Variants in AK9 observed in about 807,000 individuals in gnomAD.
AK9 encodes the protein adenylate kinase 9.
Under a neutral mutation model 239.6 loss-of-function variants are expected in AK9, and 191 were observed. That is an observed-to-expected ratio of 0.80 (90% CI 0.71 to 0.90). The LOEUF (loss-of-function observed/expected upper bound fraction) is 0.90. Among genes scored for constraint, AK9 ranks in the 40% least tolerant of loss-of-function variants. AK9 has a pLI of 0.00. For missense variants in AK9, 1,995 were observed against 2,214.7 expected (o/e 0.90, Z 1.99); for synonymous variants, 689 against 721.0 (o/e 0.96, Z 0.71).
At chr6:109,660,008 T>C (rs1583471409) in intron 6 of AK9, among the ~76,000 whole-genome samples, 1 of 152,200 alleles carries the variant, frequency 6.6e-6, no homozygotes, top group South Asian at 2.1e-4. Flanking sequence ...TGTTCCAAAG[T>C]GCTTTCACTC....
rs1186337261 is a variant in AK9, at chr6:109,623,279, A to T, written c.1255-4043T>A. Among the ~76,000 whole-genome samples, 4 of 152,160 alleles carry T rather than the reference A, an allele frequency of 2.6e-5. No individual in the cohort carries two copies. In the East Asian group the frequency reaches 7.7e-4, roughly 29 times the overall value. ...AAGGTGGAGCCTAATTCTCCTCTTT[A>T]GTGTAACTAGAACTTAGTAGTGACT... On this transcript the variant is annotated intron_variant, in intron 12 of 40. Coordinates refer to ENST00000424296, the MANE Select transcript of AK9 (RefSeq NM_001145128.3).
intron 2 of AK9, 29 bp from the exon 3 acceptor site, chr6:109,674,290 C>T: frequency 6.8e-7 from 1 of 1,469,612 alleles, no homozygotes; most frequent in Non-Finnish European, 9.1e-7. Context: ...ATTTAAAGCC[C>T]AATAGAACAG....
chr6:109,562,502 A>G (rs950055929), intron 24 of AK9, among the ~76,000 whole-genome samples: 2 of 152,190 alleles, frequency 1.3e-5, no homozygotes, highest in Non-Finnish European at 2.9e-5. Context: ...ATTGTGAGTC[A>G]TATTTTTCTG....
rs1158192959 is a variant in AK9, at chr6:109,546,704, T to C, written c.2965-577A>G. ...GGCTTCTTGATATATCCGAGTAGGA[T>C]AAGCCTCAAAGGGGCTGGAGTTTTT... On this transcript the variant is annotated intron_variant, in intron 25 of 40. Transcript: ENST00000424296. Among the ~76,000 whole-genome samples, 5 of 152,180 alleles carry C rather than the reference T, an allele frequency of 3.3e-5. No homozygotes were observed. The South Asian group carries it at 8.3e-4, about 25-fold the overall frequency.
chr6:109,634,032 G>A (rs928954900), intron 10 of AK9, among the ~76,000 whole-genome samples: 4 of 152,122 alleles, frequency 2.6e-5, no homozygotes. Flanking sequence ...TGAGAAAACT[G>A]GTGAGAGATG....
intron 3 of AK9, 43 bp from the exon 4 acceptor site, chr6:109,672,210 A>G: frequency 1.3e-6 from 2 of 1,507,808 alleles, no homozygotes; most frequent in Non-Finnish European, 1.8e-6. Context: ...TGATATTAAG[A>G]TCACCAAAAT....
Position 109,691,171 on chromosome 6 carries a change from C to T in AK9, c.-36G>A, listed in dbSNP as rs1774346476. ...CCAAAGATGGTGCCCTTCGCTTCCT[C>T]TCTCGGCAGCACGCAGGTCCCGGGA... On this transcript the variant is annotated 5_prime_UTR_variant, in exon 1 of 41. Transcript: ENST00000424296. 4 of 578,058 alleles carry T rather than the reference C, an allele frequency of 6.9e-6. No individual in the cohort carries two copies. The highest frequency in any genetic ancestry group is 1.2e-5 in the Non-Finnish European group (4 of 322,884). 35.8% of individuals were successfully genotyped at this position (578,058 alleles called of 1,614,324 possible).
intron 24 of AK9, among the ~76,000 whole-genome samples, chr6:109,560,398 A>C (rs1451152763): frequency 1.3e-5 from 2 of 152,216 alleles, no homozygotes; most frequent in African/African-American, 4.8e-5. Context: ...TAAGTATGAC[A>C]TTAGCTGTTA....
intron 17 of AK9, among the ~76,000 whole-genome samples, chr6:109,605,722 C>G (rs1482296008): frequency 6.6e-6 from 1 of 152,100 alleles, no homozygotes; most frequent in Non-Finnish European, 1.5e-5. Flanking sequence ...AGTTCAGGAA[C>G]ATTCAAAGCT....
At chr6:109,675,884 T>A in intron 1 of AK9, 128 bp from the exon 2 acceptor site, 1 of 524,242 alleles carries the variant, frequency 1.9e-6, no homozygotes, top group Non-Finnish European at 3.4e-6. Context: ...CACATGAATT[T>A]TGTCAGTAAT....
intron 8 of AK9, among the ~76,000 whole-genome samples, chr6:109,655,828 C>T (rs574180277): frequency 8.5e-5 from 13 of 152,128 alleles, no homozygotes; most frequent in South Asian, 2.1e-4. Context: ...TATTGATAGT[C>T]GTGTACTTCA....
At position 109,585,911 on chromosome 6, in the gene AK9, C is replaced by T. The variant is rs1789449937; in HGVS notation, c.1999+5G>A. 5.9e-6 allele frequency: 9 copies of T among 1,524,670 alleles called. No individual in the cohort carries two copies. Among genetic ancestry groups the T allele is most frequent in the Non-Finnish European group, 7.9e-6 (9 of 1,137,312 alleles). 94.4% of individuals were successfully genotyped at this position (1,524,670 alleles called of 1,614,324 possible). On this transcript the variant is annotated splice_donor_5th_base_variant and intron_variant, in intron 18 of 40. Coordinates refer to ENST00000424296, the MANE Select transcript of AK9 (RefSeq NM_001145128.3). Reference sequence around the variant, plus strand: ...TTCAAATTTACATAATAAATATTTACCAACCATTGTTTTCTGTATCTGATA... The same window carrying T: ...TTCAAATTTACATAATAAATATTTATCAACCATTGTTTTCTGTATCTGATA...
rs772928156 is a variant in AK9 at position 109,659,440 on chromosome 6, T to G, written c.445-27A>C. 8 of 1,573,134 alleles carry G rather than the reference T, an allele frequency of 5.1e-6. No homozygotes were observed. The South Asian group carries it at 9.3e-5, about 18-fold the overall frequency. Reference sequence around the variant, plus strand: ...TAAGAAACAACATTATTAAATCACTTAAAACATTTTGAATATGCTTTTAAT... The same window carrying G: ...TAAGAAACAACATTATTAAATCACTGAAAACATTTTGAATATGCTTTTAAT... On this transcript the variant is annotated intron_variant, in intron 6 of 40. Coordinates refer to ENST00000424296, the MANE Select transcript of AK9 (RefSeq NM_001145128.3).
At chr6:109,620,520 A>G (rs1189012830) in intron 12 of AK9, among the ~76,000 whole-genome samples, 1 of 152,094 alleles carries the variant, frequency 6.6e-6, no homozygotes, top group Non-Finnish European at 1.5e-5. Flanking sequence ...CTTGTCAGGT[A>G]GATAATAGAT....
At chr6:109,582,411 C>A (rs1273350327) in intron 19 of AK9, among the ~76,000 whole-genome samples, 1 of 152,152 alleles carries the variant, frequency 6.6e-6, no homozygotes, top group East Asian at 1.9e-4. Flanking sequence ...TCCACATTAA[C>A]AGGAATTTGG....
intron 17 of AK9, among the ~76,000 whole-genome samples, chr6:109,605,412 A>G (rs926934130): frequency 1.3e-5 from 2 of 152,144 alleles, no homozygotes; most frequent in Non-Finnish European, 2.9e-5. Context: ...TAATTTATTG[A>G]GATATTCATT....
intron 29 of AK9, among the ~76,000 whole-genome samples, chr6:109,526,016 C>T (rs1780463479): frequency 6.6e-6 from 1 of 152,066 alleles, no homozygotes; most frequent in Non-Finnish European, 1.5e-5. Context: ...GTCCATTATC[C>T]CAAGCAAGTT....
At chr6:109,608,402 T>C (rs2128237174) in intron 17 of AK9, among the ~76,000 whole-genome samples, 1 of 151,762 alleles carries the variant, frequency 6.6e-6, no homozygotes, top group Middle Eastern at 3.4e-3. Context: ...CCACTTGATA[T>C]ATGATAGTGG....
chr6:109,546,614 T>G (rs981042704), intron 25 of AK9, among the ~76,000 whole-genome samples: 1 of 152,224 alleles, frequency 6.6e-6, no homozygotes, highest in Non-Finnish European at 1.5e-5. Flanking sequence ...AAGCAGCAGC[T>G]AAGTCTTCTG....
Sources: allele counts gnomAD v4.1 joint callset (sites outside exome capture counted in the v4.1 genomes callset), GRCh38; gene constraint gnomAD v4.1.1; transcripts MANE v1.5; gene names NCBI Gene and HGNC (gene_info 2026-07-23, HGNC 2026-07-21).